TUBB3: variants seen among roughly 807,000 people sequenced by gnomAD.
The protein encoded by TUBB3 is tubulin beta 3 class III.
In TUBB3, 17 loss-of-function variants were observed where a neutral mutation model predicts 37.8. The observed-to-expected ratio is 0.45, with a 90% confidence interval of 0.31 to 0.67. TUBB3 has a LOEUF of 0.67. Among genes scored for constraint, TUBB3 ranks in the 30% least tolerant of loss-of-function variants. The pLI is 0.07. For synonymous variants in TUBB3, 332 were observed against 278.9 expected, an observed-to-expected ratio of 1.19 and a Z score of -1.90; for missense variants, 262 against 657.9, an observed-to-expected ratio of 0.40 and a Z score of 6.58.
At chr16:89,931,857 G>A (rs1343074360) in intron 1 of TUBB3, 3 of 420,280 alleles carry the variant, frequency 7.1e-6, no homozygotes, top group Non-Finnish European at 1.5e-5. Context: ...GGGGGAGAGA[G>A]GTGGAGGTGG....
chr16:89,924,755 G>C (rs1173018703), intron 1 of TUBB3, among the ~76,000 whole-genome samples: 1 of 152,168 alleles, frequency 6.6e-6, no homozygotes, highest in Non-Finnish European at 1.5e-5. Context: ...CAAGGAGACA[G>C]CTGTGCCTGC....
chr16:89,933,311 T>A (rs2030337068), intron 2 of TUBB3, 157 bp from the exon 3 acceptor site: 1 of 766,742 alleles, frequency 1.3e-6, no homozygotes, highest in Non-Finnish European at 2.4e-6. Context: ...GTGAAGAAAG[T>A]TGCTGAAGCT....
At chr16:89,930,562 G>A (rs892316107) in intron 1 of TUBB3, among the ~76,000 whole-genome samples, 5 of 151,556 alleles carry the variant, frequency 3.3e-5, no homozygotes, top group African/African-American at 9.7e-5. Context: ...TAGCTGGAAC[G>A]TGTGAGCCAC....
chr16:89,926,757 G>T (rs1323254265), intron 1 of TUBB3, among the ~76,000 whole-genome samples: 1 of 151,178 alleles, frequency 6.6e-6, no homozygotes, highest in African/African-American at 2.4e-5. Flanking sequence ...GGCTCTTGTT[G>T]CCCAGGCTGG....
At chr16:89,923,737 A>T (rs1182413927) in intron 1 of TUBB3, among the ~76,000 whole-genome samples, 2 of 150,532 alleles carry the variant, frequency 1.3e-5, no homozygotes, top group Admixed American at 1.3e-4. Context: ...CCACACCTGC[A>T]CCCCCTCCAC....
chr16:89,928,124 G>C (rs2030150057), intron 1 of TUBB3, among the ~76,000 whole-genome samples: 1 of 152,046 alleles, frequency 6.6e-6, no homozygotes, highest in South Asian at 2.1e-4. Context: ...GCATGATCTA[G>C]GCTCACTGCA....
upstream of TUBB3, chr16:89,923,320 C>T (rs2029950822): frequency 3.3e-6 from 4 of 1,209,950 alleles, no homozygotes; most frequent in Non-Finnish European, 4.3e-6. Context: ...GCTATAAGAG[C>T]GCGCGGCCGC....
intron 1 of TUBB3, among the ~76,000 whole-genome samples, chr16:89,930,040 C>CTTCT (rs2151091055): frequency 6.7e-6 from 1 of 148,848 alleles, no homozygotes; most frequent in East Asian, 2.0e-4. Flanking sequence ...TCCTTCCTTC[C>CTTCT]TTCCTTCCTT....
chr16:89,926,537 C>A (rs2030092788), intron 1 of TUBB3, among the ~76,000 whole-genome samples: 1 of 152,256 alleles, frequency 6.6e-6, no homozygotes, highest in Non-Finnish European at 1.5e-5. Flanking sequence ...GGCCGAGCGC[C>A]TGGCCTCGAA....
upstream of TUBB3, chr16:89,922,242 ACAGGCAAGTTCG>A (rs2029908154): frequency 1.3e-5 from 2 of 152,494 alleles, no homozygotes; most frequent in Non-Finnish European, 2.9e-5. Flanking sequence ...ACAGGCGTCC[ACAGGCAAGTTCG>A]CAGCTGCTCA....
Position 89,935,258 on chromosome 16 carries a change from C to T in TUBB3, c.807C>T (p.Gly269=). ...PFPRLHFFMP[G]FAPLTARGSQ... ...CGCGCCTGCACTTCTTCATGCCCGG[C>T]TTCGCCCCCCTCACAGCCCGGGGCA... Residue 269 remains glycine, a synonymous_variant, in exon 4 of 4, where the codon GGC becomes GGT. Coordinates refer to ENST00000315491, the MANE Select transcript of TUBB3 (RefSeq NM_006086.4). 6 of 1,613,746 alleles carry T rather than the reference C, an allele frequency of 3.7e-6. No homozygotes were observed. The highest frequency in any genetic ancestry group is 5.1e-6 in the Non-Finnish European group (6 of 1,179,982).
intron 1 of TUBB3, 124 bp downstream of exon 1, chr16:89,923,582 C>G: frequency 1.0e-6 from 1 of 972,448 alleles, no homozygotes; most frequent in Non-Finnish European, 1.3e-6. Flanking sequence ...ATGCGCCCAG[C>G]GCCGCGCCGG....
At chr16:89,923,727 C>G (rs1052655766) in intron 1 of TUBB3, among the ~76,000 whole-genome samples, 1 of 152,166 alleles carries the variant, frequency 6.6e-6, no homozygotes, top group Non-Finnish European at 1.5e-5. Flanking sequence ...TGCGCCCCCT[C>G]CACACCTGCA....
At chr16:89,931,718 C>A in intron 1 of TUBB3, 1 of 242,898 alleles carries the variant, frequency 4.1e-6, no homozygotes, top group Non-Finnish European at 9.1e-6. Flanking sequence ...GTGACCTGTG[C>A]AAGGTCACAC....
At chr16:89,930,797 G>T (rs913689196) in intron 1 of TUBB3, among the ~76,000 whole-genome samples, 2 of 150,350 alleles carry the variant, frequency 1.3e-5, no homozygotes, top group Non-Finnish European at 3.0e-5. Flanking sequence ...CTGCACAGCA[G>T]TTTCCACTAA....
At chr16:89,934,346 A>G (rs1459613420) in intron 3 of TUBB3, 6 of 488,904 alleles carry the variant, frequency 1.2e-5, no homozygotes, top group Admixed American at 6.9e-5. Flanking sequence ...CAGCTGGTAG[A>G]TGCCAACTCG....
intron 1 of TUBB3, among the ~76,000 whole-genome samples, chr16:89,930,909 G>T (rs779693160): frequency 2.1e-4 from 31 of 150,746 alleles, no homozygotes; most frequent in Non-Finnish European, 4.0e-4. Context: ...CTCACTGCAA[G>T]CTCCACCTCC....
At chr16:89,922,529 CAGAT>C (rs746068932), upstream of TUBB3, 5 of 152,294 alleles carry the variant, frequency 3.3e-5, no homozygotes, top group East Asian at 3.8e-4. Context: ...GAGAGTGAGT[CAGAT>C]AGAAGCCGCT....
In TUBB3 at chr16:89,925,361, A is replaced by G. The variant is rs140036079; in HGVS notation, c.57+1903A>G. Among the ~76,000 whole-genome samples, 336 of 152,010 alleles carry G rather than the reference A, an allele frequency of 2.2e-3. 2 individuals are homozygous for G. Among genetic ancestry groups the G allele is most frequent in the African/African-American group, 7.5e-3 (310 of 41,430 alleles). On this transcript the variant is annotated intron_variant, in intron 1 of 3. Coordinates refer to ENST00000315491, the MANE Select transcript of TUBB3 (RefSeq NM_006086.4). ...AATCCCAGCACTTTGGGAGACTGAA[A>G]CTGGAGGATCACTTTAGCGAAGGAG...
Sources: allele counts gnomAD v4.1 joint callset (sites outside exome capture counted in the v4.1 genomes callset), GRCh38; gene constraint gnomAD v4.1.1; transcripts MANE v1.5; gene names NCBI Gene and HGNC (gene_info 2026-07-23, HGNC 2026-07-21).